Variants in CSMD1 observed in about 807,000 individuals in gnomAD.
The protein encoded by CSMD1 is CUB and sushi domain-containing protein 1.
Under a neutral mutation model 417.5 loss-of-function variants are expected in CSMD1, and 213 were observed. The ratio of observed to expected loss-of-function variants is 0.51; its 90% confidence interval spans 0.46 to 0.57. CSMD1 has a LOEUF of 0.57. Among genes scored for constraint, CSMD1 ranks in the 20% least tolerant of loss-of-function variants. The pLI is 0.00. For missense variants in CSMD1, 6,923 were observed against 4,529.7 expected, an observed-to-expected ratio of 1.53 and a Z score of -15.17; for synonymous variants, 2,862 against 1,736.8, an observed-to-expected ratio of 1.65 and a Z score of -16.11.
chr8:3,399,104 A>T (rs1332771172), intron 16 of CSMD1, among the ~76,000 whole-genome samples: 2 of 152,154 alleles, frequency 1.3e-5, no homozygotes, highest in African/African-American at 4.8e-5. Flanking sequence ...AATTGATTCC[A>T]GTGCAGGTCC....
chr8:3,288,402 G>A (rs1803309324), intron 25 of CSMD1, among the ~76,000 whole-genome samples: 2 of 147,168 alleles, frequency 1.4e-5, no homozygotes, highest in South Asian at 4.2e-4. Context: ...ACCTCTGGTA[G>A]AATTCGGCTG....
At chr8:3,263,569 T>A (rs1362177971) in intron 26 of CSMD1, among the ~76,000 whole-genome samples, 1 of 152,240 alleles carries the variant, frequency 6.6e-6, no homozygotes, top group Admixed American at 6.5e-5. Context: ...CAAGTAATTT[T>A]TGAAATTTCT....
intron 2 of CSMD1, among the ~76,000 whole-genome samples, chr8:4,458,690 G>T (rs530159518): frequency 6.6e-5 from 10 of 152,242 alleles, no homozygotes; most frequent in African/African-American, 2.2e-4. Flanking sequence ...CAAAACTGCA[G>T]CAAAATAATT....
intron 37 of CSMD1, among the ~76,000 whole-genome samples, chr8:3,168,571 A>G (rs1820377885): frequency 6.6e-6 from 1 of 152,040 alleles, no homozygotes; most frequent in South Asian, 2.1e-4. Context: ...ACAGCTATAA[A>G]TGTGGACCTC....
intron 11 of CSMD1, among the ~76,000 whole-genome samples, chr8:3,483,267 G>C (rs1374706365): frequency 6.6e-6 from 1 of 151,602 alleles, no homozygotes; most frequent in African/African-American, 2.4e-5. Context: ...AGATAGAAGG[G>C]AACAATTACA....
At chr8:4,684,320 G>A (rs184305889) in intron 1 of CSMD1, among the ~76,000 whole-genome samples, 1 of 152,138 alleles carries the variant, frequency 6.6e-6, no homozygotes, top group African/African-American at 2.4e-5. Flanking sequence ...TCGGTTTTCT[G>A]TTTGTCCAAC....
chr8:3,253,804 CT>C (rs1275647266), intron 26 of CSMD1, among the ~76,000 whole-genome samples: 1 of 152,118 alleles, frequency 6.6e-6, no homozygotes, highest in East Asian at 1.9e-4. Context: ...ATACAGCACA[CT>C]GTAGGGTCTT....
Position 3,677,769 on chromosome 8 carries a change from T to C in CSMD1, c.1009+30645A>G, listed in dbSNP as rs529170432. 1.6e-4 allele frequency among the ~76,000 whole-genome samples: 24 copies of C among 152,298 alleles called. No individual in the cohort carries two copies. The South Asian group carries it at 4.8e-3, about 30-fold the overall frequency. On this transcript the variant is annotated intron_variant, in intron 7 of 69. Transcript: ENST00000635120. Reference sequence around the variant, plus strand: ...ACTTTGTAAAACGGAAATGAAAACTTCTATCCAGAGTATATGTGCAATTTT... The same window carrying C: ...ACTTTGTAAAACGGAAATGAAAACTCCTATCCAGAGTATATGTGCAATTTT...
intron 5 of CSMD1, among the ~76,000 whole-genome samples, chr8:3,810,922 G>A (rs1294890327): frequency 6.6e-6 from 1 of 152,094 alleles, no homozygotes; most frequent in Non-Finnish European, 1.5e-5. Flanking sequence ...TCCTCATTCA[G>A]CCCTTTATCT....
chr8:4,717,018 C>T (rs114905948), intron 1 of CSMD1, among the ~76,000 whole-genome samples: 12 of 151,916 alleles, frequency 7.9e-5, no homozygotes, highest in Admixed American at 2.0e-4. Context: ...GATGAGGACA[C>T]ATTTTCTCCT....
At chr8:3,088,285 C>G (rs1202826091) in intron 48 of CSMD1, among the ~76,000 whole-genome samples, 1 of 152,154 alleles carries the variant, frequency 6.6e-6, no homozygotes, top group Non-Finnish European at 1.5e-5. Context: ...CTGCATAAGG[C>G]GAGGTCACTA....
At chr8:3,817,811 G>C (rs146623580) in intron 5 of CSMD1, among the ~76,000 whole-genome samples, 7 of 152,030 alleles carry the variant, frequency 4.6e-5, no homozygotes, top group East Asian at 1.9e-4. Context: ...TAATAAGCAC[G>C]TGCATCTGGC....
chr8:3,038,242 A>T (rs1810826221), intron 50 of CSMD1, among the ~76,000 whole-genome samples: 1 of 152,224 alleles, frequency 6.6e-6, no homozygotes, highest in Non-Finnish European at 1.5e-5. Context: ...ACCAGCAAAT[A>T]GGCCTTTGAA....
At chr8:3,503,186 A>G (rs536542429) in intron 10 of CSMD1, among the ~76,000 whole-genome samples, 2 of 152,364 alleles carry the variant, frequency 1.3e-5, no homozygotes, top group African/African-American at 4.8e-5. Context: ...TACTTTGAAC[A>G]CACACACCCA....
chr8:3,125,950 A>C (rs7816774), intron 41 of CSMD1, among the ~76,000 whole-genome samples: 57,634 of 152,128 alleles, frequency 0.38, 15,385 homozygotes, highest in African/African-American at 0.76. Flanking sequence ...GCACTCCAGC[A>C]TGGGTGACAG....
Position 4,096,503 on chromosome 8 carries a change from A to G in CSMD1, c.416-64404T>C, listed in dbSNP as rs939507366. Among the ~76,000 whole-genome samples, 15 of 152,206 alleles carry G rather than the reference A, an allele frequency of 9.9e-5. 1 individual carries two copies. The highest frequency in any genetic ancestry group is 3.4e-4 in the African/African-American group (14 of 41,472). On this transcript the variant is annotated intron_variant, in intron 3 of 69. Transcript: ENST00000635120. The stretch of plus-strand genomic sequence containing the variant: ...TCCCCATAGGCTCAAATTATGAGAC[A>G]GCCAATGACTACTTAGAAAAAACTG...
chr8:4,196,257 C>G (rs549847939), intron 3 of CSMD1, among the ~76,000 whole-genome samples: 58 of 152,140 alleles, frequency 3.8e-4, no homozygotes, highest in African/African-American at 9.7e-4. Flanking sequence ...TCTGCTGTGT[C>G]AAGCCACTCT....
intron 7 of CSMD1, among the ~76,000 whole-genome samples, chr8:3,693,649 T>C (rs1398485609): frequency 6.6e-6 from 1 of 152,328 alleles, no homozygotes; most frequent in Admixed American, 6.5e-5. Context: ...TGTACATATA[T>C]GTAGTTATTA....
chr8:4,451,696 C>T (rs1444696688), intron 2 of CSMD1, among the ~76,000 whole-genome samples: 2 of 152,036 alleles, frequency 1.3e-5, no homozygotes, highest in African/African-American at 2.4e-5. Flanking sequence ...AATATCAGTT[C>T]TTCCAGGCAA....
Sources: gnomAD v4.1 joint callset for allele counts (sites outside exome capture counted in the v4.1 genomes callset) on GRCh38, gnomAD v4.1.1 for gene constraint, MANE v1.5 for transcripts, NCBI Gene and HGNC (gene_info 2026-07-23, HGNC 2026-07-21) for gene names.